The following ROBO2 variants were observed in gnomAD, a reference collection of about 807,000 sequenced individuals.
The protein encoded by ROBO2 is roundabout homolog 2.
Under a neutral mutation model 160.8 loss-of-function variants are expected in ROBO2, and 53 were observed. That is an observed-to-expected ratio of 0.33 (90% CI 0.26 to 0.41). ROBO2 has a LOEUF of 0.41. ROBO2 is among the 10% of genes least tolerant of loss of function. The pLI is 1.00. For missense variants in ROBO2, 1,577 were observed against 1,722.4 expected (o/e 0.92, Z 1.49); for synonymous variants, 664 against 611.7 (o/e 1.09, Z -1.26).
intron 2 of ROBO2, among the ~76,000 whole-genome samples, chr3:76,383,008 G>C (rs1321537139): frequency 6.6e-6 from 1 of 152,150 alleles, no homozygotes; most frequent in East Asian, 1.9e-4. Context: ...GTAGACTTTA[G>C]CATAATTTTA....
intron 2 of ROBO2, among the ~76,000 whole-genome samples, chr3:76,117,952 A>G (rs1349823199): frequency 6.6e-6 from 1 of 152,054 alleles, no homozygotes; most frequent in Non-Finnish European, 1.5e-5. Context: ...CTTTCTATAA[A>G]ACTAGATACA....
At chr3:77,495,164 G>C (rs2086626278) in intron 5 of ROBO2, among the ~76,000 whole-genome samples, 2 of 152,150 alleles carry the variant, frequency 1.3e-5, no homozygotes, top group African/African-American at 4.8e-5. Flanking sequence ...GTAAGGTGAA[G>C]AGATTAATTC....
intron 2 of ROBO2, among the ~76,000 whole-genome samples, chr3:76,391,237 T>A (rs1248827788): frequency 6.6e-6 from 1 of 152,142 alleles, no homozygotes; most frequent in Admixed American, 6.5e-5. Flanking sequence ...AGACTTCAAT[T>A]CACAAAAATT....
chr3:77,242,070 C>T (rs1294465254), intron 2 of ROBO2, among the ~76,000 whole-genome samples: 2 of 152,124 alleles, frequency 1.3e-5, no homozygotes, highest in Non-Finnish European at 2.9e-5. Flanking sequence ...TATTTTTATG[C>T]TGCTAAGAAA....
rs913173717 is a variant in ROBO2 at position 76,328,868 on chromosome 3, A to G, written c.109+391266A>G. Reference sequence around the variant, plus strand: ...AGCGAGACTCCGTCTCAAAACAAACAAACAAACAAAAACAAATATATATAT... The same window carrying G: ...AGCGAGACTCCGTCTCAAAACAAACGAACAAACAAAAACAAATATATATAT... On this transcript the variant is annotated intron_variant, in intron 2 of 26. Transcript: ENST00000487694. Among the ~76,000 whole-genome samples, 6 of 94,270 alleles carry G rather than the reference A, an allele frequency of 6.4e-5. No homozygotes were observed. In the East Asian group the frequency reaches 1.5e-3, roughly 23 times the overall value. 61.8% of individuals were successfully genotyped at this position (94,270 alleles called of 152,430 possible). A position where few individuals can be genotyped will look rare whatever the true frequency, so the allele number is the denominator to read the frequency against.
At chr3:76,614,014 C>G (rs1403490762) in intron 2 of ROBO2, among the ~76,000 whole-genome samples, 2 of 151,662 alleles carry the variant, frequency 1.3e-5, no homozygotes, top group African/African-American at 4.8e-5. Flanking sequence ...TGTGAAAATT[C>G]TGGCCATTTC....
At chr3:76,045,841 T>A (rs73841085) in intron 2 of ROBO2, among the ~76,000 whole-genome samples, 3 of 152,040 alleles carry the variant, frequency 2.0e-5, no homozygotes. Flanking sequence ...CTCTTCTTTC[T>A]TAAGGCTTGA....
chr3:76,683,812 A>T (rs2092624814), intron 2 of ROBO2, among the ~76,000 whole-genome samples: 1 of 152,178 alleles, frequency 6.6e-6, no homozygotes, highest in Admixed American at 6.6e-5. Flanking sequence ...TTATAAAACA[A>T]CAACCAAACA....
chr3:76,035,637 A>G (rs1014863139), intron 2 of ROBO2, among the ~76,000 whole-genome samples: 3 of 152,038 alleles, frequency 2.0e-5, no homozygotes, highest in Non-Finnish European at 2.9e-5. Context: ...CAAGGCATAC[A>G]TTAGTTGAGT....
intron 2 of ROBO2, among the ~76,000 whole-genome samples, chr3:76,193,523 G>A (rs548800478): frequency 6.6e-6 from 1 of 152,090 alleles, no homozygotes; most frequent in Non-Finnish European, 1.5e-5. Flanking sequence ...CCTTGTTCTA[G>A]GGCACAATTA....
intron 2 of ROBO2, among the ~76,000 whole-genome samples, chr3:75,966,946 T>G (rs539911486): frequency 6.6e-6 from 1 of 151,838 alleles, no homozygotes; most frequent in Admixed American, 6.6e-5. Context: ...TCTCTACAGA[T>G]AGTTTATCAA....
chr3:76,036,591 G>C (rs2107739452), intron 2 of ROBO2, among the ~76,000 whole-genome samples: 1 of 151,604 alleles, frequency 6.6e-6, no homozygotes, highest in African/African-American at 2.4e-5. Context: ...CGCAACCTCT[G>C]CCTCCCAGGC....
At chr3:76,289,990 TATGAGTTTTAGAATA>T (rs1251448021) in intron 2 of ROBO2, among the ~76,000 whole-genome samples, 1 of 152,174 alleles carries the variant, frequency 6.6e-6, no homozygotes, top group Non-Finnish European at 1.5e-5. Context: ...TTTGGTTCCA[TATGAGTTTTAGAATA>T]GTTTTTTTTC....
chr3:76,822,066 A>T (rs2109147772), intron 2 of ROBO2, among the ~76,000 whole-genome samples: 1 of 152,168 alleles, frequency 6.6e-6, no homozygotes, highest in Non-Finnish European at 1.5e-5. Context: ...TAAATACCAA[A>T]AAAAAATTTT....
At chr3:76,267,017 G>A (rs1036061139) in intron 2 of ROBO2, among the ~76,000 whole-genome samples, 5 of 152,058 alleles carry the variant, frequency 3.3e-5, no homozygotes, top group African/African-American at 1.2e-4. Context: ...TGGAACACTT[G>A]AATACAATTT....
chr3:76,764,875 T>C (rs773923674), intron 2 of ROBO2, among the ~76,000 whole-genome samples: 10 of 151,722 alleles, frequency 6.6e-5, no homozygotes, highest in Non-Finnish European at 1.3e-4. Flanking sequence ...TTGCCTTTCT[T>C]GATAGACTTG....
chr3:76,049,581 A>G (rs2067587632), intron 2 of ROBO2, among the ~76,000 whole-genome samples: 4 of 151,564 alleles, frequency 2.6e-5, no homozygotes, highest in Non-Finnish European at 5.9e-5. Flanking sequence ...TAAATATTCC[A>G]ACAAGGACAA....
At chr3:77,027,635 T>C (rs1035705306) in intron 2 of ROBO2, among the ~76,000 whole-genome samples, 1 of 152,168 alleles carries the variant, frequency 6.6e-6, no homozygotes, top group Non-Finnish European at 1.5e-5. Context: ...TATGGTACTT[T>C]ATTGAACTAC....
At chr3:77,215,516 T>C (rs533514988) in intron 2 of ROBO2, among the ~76,000 whole-genome samples, 162 of 152,306 alleles carry the variant, frequency 1.1e-3, no homozygotes, top group Middle Eastern at 3.4e-3. Context: ...TTCTTTGCCA[T>C]GGGTTTACAC....
Sources: gnomAD v4.1 joint callset for allele counts (sites outside exome capture counted in the v4.1 genomes callset) on GRCh38, gnomAD v4.1.1 for gene constraint, MANE v1.5 for transcripts, NCBI Gene and HGNC (gene_info 2026-07-23, HGNC 2026-07-21) for gene names.